The following SNX31 variants were observed in gnomAD, a reference collection of about 807,000 sequenced individuals.
SNX31 encodes the protein sorting nexin 31.
SNX31 carries 58 observed loss-of-function variants against 65.4 expected under a neutral mutation model. That is an observed-to-expected ratio of 0.89 (90% CI 0.72 to 1.10). The LOEUF is 1.10. Ranked by LOEUF, SNX31 falls within the 50% of genes least tolerant of loss-of-function variation. SNX31 has a pLI of 0.00. For synonymous variants in SNX31, 181 were observed against 190.1 expected, an observed-to-expected ratio of 0.95 and a Z score of 0.39; for missense variants, 523 against 529.7, an observed-to-expected ratio of 0.99 and a Z score of 0.12.
intron 9 of SNX31, among the ~76,000 whole-genome samples, chr8:100,598,316 G>A (rs143658278): frequency 1.5e-3 from 227 of 152,258 alleles, no homozygotes; most frequent in Admixed American, 3.2e-3. Context: ...AGTGATTGGG[G>A]GCAGGAGCTG....
chr8:100,582,065 G>A (rs1813603369), intron 12 of SNX31, among the ~76,000 whole-genome samples: 1 of 152,168 alleles, frequency 6.6e-6, no homozygotes, highest in Non-Finnish European at 1.5e-5. Context: ...GAACTAAAAC[G>A]TGTTAAATAT....
At chr8:100,631,470 C>CTCTG (rs1296416543) in intron 3 of SNX31, among the ~76,000 whole-genome samples, 93 of 134,532 alleles carry the variant, frequency 6.9e-4, no homozygotes, top group African/African-American at 2.7e-3. Context: ...TGGAGTCTTG[C>CTCTG]TCTGTCACCC....
chr8:100,622,046 T>C lies in SNX31; in HGVS notation c.322-4316A>G, dbSNP rs565677958. On this transcript the variant is annotated intron_variant, in intron 4 of 13. Transcript: ENST00000311812. This position sits in a 1 kb window ranked among gnomAD's most constrained non-coding sequence, Gnocchi z 5.0. ...AACCTTCCACAACTTTTTAGTTAAATAAACAAATTTCTGTTTTGTGATTTT... is the reference window on the plus strand; with the variant it reads ...AACCTTCCACAACTTTTTAGTTAAACAAACAAATTTCTGTTTTGTGATTTT... Among the ~76,000 whole-genome samples, 10 of 152,326 alleles carry C rather than the reference T, an allele frequency of 6.6e-5. No individual in the cohort carries two copies. Among genetic ancestry groups the C allele is most frequent in the Admixed American group, 3.9e-4 (6 of 15,296 alleles).
Position 100,618,348 on chromosome 8 carries a change from C to A in SNX31, c.322-618G>T, listed in dbSNP as rs748346665. 9.1e-6 allele frequency: 14 copies of A among 1,534,594 alleles called. No homozygotes were observed. The Admixed American group carries it at 2.4e-4, about 26-fold the overall frequency. Reference sequence around the variant, plus strand: ...TAACTTGCCCAGTTTTCAGTATTTCCAAGCATCCCTAAAGCCCATATCCCT... The same window carrying A: ...TAACTTGCCCAGTTTTCAGTATTTCAAAGCATCCCTAAAGCCCATATCCCT... On this transcript the variant is annotated intron_variant, in intron 4 of 13. Coordinates refer to ENST00000311812, the MANE Select transcript of SNX31 (RefSeq NM_152628.4).
rs560399070 is a variant in SNX31, at chr8:100,613,523, C to T, written c.433-438G>A. Among the ~76,000 whole-genome samples the T allele has an allele frequency of 2.6e-5, 4 of 152,314 alleles. No homozygotes were observed. The East Asian group carries it at 5.8e-4, about 22-fold the overall frequency. The stretch of plus-strand genomic sequence containing the variant: ...AGCTATTTGGAAAAGGATCACTCCC[C>T]GCCGCTTGGCTGGCATACAAACGTG... On this transcript the variant is annotated intron_variant, in intron 5 of 13. Transcript: ENST00000311812. The surrounding 1 kb of genome is among the most constrained non-coding windows in gnomAD (Gnocchi z 5.2).
chr8:100,643,431 A>G (rs7831680), intron 2 of SNX31, among the ~76,000 whole-genome samples: 13,827 of 152,120 alleles, frequency 0.091, 713 homozygotes, highest in African/African-American at 0.1. Context: ...ATGTCGACTC[A>G]TTCTTCCCAC....
chr8:100,638,636 C>T (rs1818942025), intron 2 of SNX31, among the ~76,000 whole-genome samples: 1 of 152,190 alleles, frequency 6.6e-6, no homozygotes, highest in African/African-American at 2.4e-5. Flanking sequence ...GAAGAGAATA[C>T]AGAATATTAC....
chr8:100,657,420 C>T (rs1820068968), intron 1 of SNX31, among the ~76,000 whole-genome samples: 1 of 149,188 alleles, frequency 6.7e-6, no homozygotes, highest in Non-Finnish European at 1.5e-5. Context: ...CCATTGTGCT[C>T]CAGCCTGGGC....
chr8:100,612,961 C>T lies in SNX31; in HGVS notation c.523+34G>A, dbSNP rs199618591. The T allele has an allele frequency of 1.3e-6, 2 of 1,593,052 alleles. No individual in the cohort carries two copies. The highest frequency in any genetic ancestry group is 2.7e-5 in the African/African-American group (2 of 74,572). On this transcript the variant is annotated intron_variant, in intron 6 of 13. Transcript: ENST00000311812. The surrounding 1 kb of genome is among the most constrained non-coding windows in gnomAD (Gnocchi z 4.3). Reference sequence around the variant, plus strand: ...CCCTGCTCACACCTGTCCACCCCATCTCCTAGCTGATTCATTTGTTCCTTC... The same window carrying T: ...CCCTGCTCACACCTGTCCACCCCATTTCCTAGCTGATTCATTTGTTCCTTC...
chr8:100,644,772 C>A (rs7011508), intron 2 of SNX31, among the ~76,000 whole-genome samples: 20,437 of 152,316 alleles, frequency 0.13, 1,469 homozygotes, highest in South Asian at 0.22. Context: ...TCAAGCAATT[C>A]TCGTGCCTCA....
intron 12 of SNX31, chr8:100,582,638 A>G (rs1041644711): frequency 1.3e-5 from 2 of 152,202 alleles, no homozygotes; most frequent in Admixed American, 6.5e-5. Context: ...AATGTTAACT[A>G]AAGATGTCAT....
chr8:100,631,918 T>G (rs942502423), intron 3 of SNX31, among the ~76,000 whole-genome samples: 3 of 152,242 alleles, frequency 2.0e-5, no homozygotes, highest in African/African-American at 7.2e-5. Flanking sequence ...AACTGGTATT[T>G]ACTGCGTGAC....
At chr8:100,658,221 A>G (rs1014685578) in intron 1 of SNX31, among the ~76,000 whole-genome samples, 9 of 152,174 alleles carry the variant, frequency 5.9e-5, no homozygotes, top group African/African-American at 1.7e-4. Flanking sequence ...TGAAGATTCT[A>G]AAGGCTGCAA....
chr8:100,574,241 C>G (rs1308465756), intron 13 of SNX31, among the ~76,000 whole-genome samples: 1 of 152,174 alleles, frequency 6.6e-6, no homozygotes, highest in South Asian at 2.1e-4. Context: ...TTAACTCTAC[C>G]TGTCTTGCCT....
chr8:100,617,621 T>C lies in SNX31; in HGVS notation c.431A>G (p.Glu144Gly). Residue 144 changes from glutamate to glycine, a missense_variant and splice_region_variant, in exon 5 of 14, where the codon GAG (glutamate) becomes GGG (glycine). By Grantham distance (98) the Glu-to-Gly change is moderately conservative. Coordinates refer to ENST00000311812, the MANE Select transcript of SNX31 (RefSeq NM_152628.4). ...AGCTGGAGTTTAAACAAAGCTTACC[T>C]CTAGGACTCTTTCAGCAGTGTCTGA... ...ITSDTAERVL[E>G]VVSHKIGLCR... 5 of 1,599,200 alleles carry C rather than the reference T, an allele frequency of 3.1e-6. No homozygotes were observed. The highest frequency in any genetic ancestry group is 4.3e-6 in the Non-Finnish European group (5 of 1,167,080).
At position 100,609,129 on chromosome 8, in the gene SNX31, G is replaced by A. The variant is rs927268033; in HGVS notation, c.612-566C>T. ...TTCTACTCACTTTCAAGGCCCTTCC[G>A]GGGACCACCCCCACTTTCATTTCCA... On this transcript the variant is annotated intron_variant, in intron 7 of 13. Transcript: ENST00000311812. This position sits in a 1 kb window ranked among gnomAD's most constrained non-coding sequence, Gnocchi z 4.9. 9.2e-5 allele frequency among the ~76,000 whole-genome samples: 14 copies of A among 152,014 alleles called. No homozygotes were observed. Among genetic ancestry groups the A allele is most frequent in the African/African-American group, 2.2e-4 (9 of 41,384 alleles).
chr8:100,646,181 T>C (rs1284872468), intron 2 of SNX31, among the ~76,000 whole-genome samples: 1 of 152,078 alleles, frequency 6.6e-6, no homozygotes, highest in Non-Finnish European at 1.5e-5. Context: ...TTTACTAACA[T>C]GCGCGGGAGT....
At chr8:100,628,143 G>T (rs1818169664) in intron 4 of SNX31, among the ~76,000 whole-genome samples, 1 of 152,218 alleles carries the variant, frequency 6.6e-6, no homozygotes, top group Admixed American at 6.5e-5. Flanking sequence ...CTGTTGGTGG[G>T]ACTGTAAACT....
At chr8:100,591,165 A>C (rs1010541784) in intron 10 of SNX31, among the ~76,000 whole-genome samples, 1 of 152,206 alleles carries the variant, frequency 6.6e-6, no homozygotes, top group Non-Finnish European at 1.5e-5. Flanking sequence ...CTGGGGAAAG[A>C]ACATCTGGAA....
Sources: gnomAD v4.1 joint callset for allele counts (sites outside exome capture counted in the v4.1 genomes callset) on GRCh38, gnomAD v4.1.1 for gene constraint, Gnocchi (gnomAD v3.1) non-coding constraint, MANE v1.5 for transcripts, NCBI Gene and HGNC (gene_info 2026-07-23, HGNC 2026-07-21) for gene names.